MGLL: variants seen among roughly 807,000 people sequenced by gnomAD.
MGLL encodes the protein monoglyceride lipase, also known as lysophospholipase homolog.
A neutral mutation model predicts 29.1 loss-of-function variants in MGLL; 7 were observed. The ratio of observed to expected loss-of-function variants is 0.24; its 90% confidence interval spans 0.14 to 0.45. The LOEUF is 0.45. Ranked by LOEUF, MGLL falls within the 20% of genes least tolerant of loss-of-function variation. The pLI is 0.99. For synonymous variants in MGLL, 148 were observed against 168.3 expected (o/e 0.88, Z 0.93); for missense variants, 356 against 413.6 (o/e 0.86, Z 1.21).
At chr3:127,810,659 C>T (rs1403147774) in intron 2 of MGLL, among the ~76,000 whole-genome samples, 1 of 152,212 alleles carries the variant, frequency 6.6e-6, no homozygotes, top group African/African-American at 2.4e-5. Context: ...TTCTTTATCT[C>T]CAAACTGGAA....
At chr3:127,788,167 T>C (rs2077244884) in intron 2 of MGLL, among the ~76,000 whole-genome samples, 2 of 152,188 alleles carry the variant, frequency 1.3e-5, no homozygotes, top group Admixed American at 6.5e-5. Context: ...AGAGAATTTA[T>C]GGAAAATCAC....
intron 2 of MGLL, among the ~76,000 whole-genome samples, chr3:127,814,627 A>T (rs969788116): frequency 1.3e-4 from 20 of 152,208 alleles, no homozygotes; most frequent in African/African-American, 4.6e-4. Flanking sequence ...TTTTTCTTCG[A>T]CTCTACTGCA....
chr3:127,706,975 G>C (rs927590579), intron 6 of MGLL, among the ~76,000 whole-genome samples: 8 of 152,172 alleles, frequency 5.3e-5, no homozygotes, highest in Middle Eastern at 3.2e-3. Flanking sequence ...GCAACAGGGG[G>C]ACCTGGAGCC....
chr3:127,821,116 C>T (rs1033988734), intron 2 of MGLL, among the ~76,000 whole-genome samples: 11 of 152,336 alleles, frequency 7.2e-5, no homozygotes, highest in Admixed American at 1.3e-4. Context: ...GAGGGAGCAG[C>T]AGCAGGAGAC....
chr3:127,714,620 A>C (rs1426314511), intron 5 of MGLL, among the ~76,000 whole-genome samples: 1 of 152,122 alleles, frequency 6.6e-6, no homozygotes, highest in Non-Finnish European at 1.5e-5. Flanking sequence ...TTCCCAGTGA[A>C]TGCGCACACA....
chr3:127,732,198 C>T (rs139004740), intron 3 of MGLL, among the ~76,000 whole-genome samples: 13 of 152,234 alleles, frequency 8.5e-5, no homozygotes, highest in South Asian at 4.1e-4. Context: ...GAAAGTGAGA[C>T]GAAGCCTTTA....
intron 3 of MGLL, among the ~76,000 whole-genome samples, chr3:127,729,208 T>C (rs10512694): frequency 0.11 from 16,920 of 152,152 alleles, 1,063 homozygotes; most frequent in African/African-American, 0.18. Flanking sequence ...TGATTCTTGG[T>C]GATAAAGGCC....
At chr3:127,764,037 T>A (rs2076813249) in intron 3 of MGLL, among the ~76,000 whole-genome samples, 1 of 152,120 alleles carries the variant, frequency 6.6e-6, no homozygotes, top group Admixed American at 6.5e-5. Context: ...CATGCCACTG[T>A]CTAAGCTGCA....
At chr3:127,698,460 C>T (rs929824251) in intron 6 of MGLL, among the ~76,000 whole-genome samples, 2 of 152,222 alleles carry the variant, frequency 1.3e-5, no homozygotes, top group Admixed American at 1.3e-4. Context: ...TGAGCCCATT[C>T]ATTCAATAGG....
chr3:127,728,314 C>T (rs1233209111), intron 3 of MGLL, among the ~76,000 whole-genome samples: 2 of 152,024 alleles, frequency 1.3e-5, no homozygotes, highest in African/African-American at 4.8e-5. Context: ...TTTATCCATC[C>T]ATCCATCCAT....
In MGLL at chr3:127,757,025, C is replaced by T. The variant is rs990863002; in HGVS notation, c.262+24764G>A. Among the ~76,000 whole-genome samples the T allele has an allele frequency of 3.9e-5, 6 of 152,200 alleles. No individual in the cohort carries two copies. The East Asian group carries it at 1.2e-3, about 29-fold the overall frequency. The stretch of plus-strand genomic sequence containing the variant: ...CCCTGTAAATAAATGTTGGGCTTGG[C>T]CATGTGACATGCTTTGGTCAATGGA... On this transcript the variant is annotated intron_variant, in intron 3 of 7. Transcript: ENST00000265052.
chr3:127,811,778 A>G (rs1236283914), intron 2 of MGLL, among the ~76,000 whole-genome samples: 1 of 152,262 alleles, frequency 6.6e-6, no homozygotes. Flanking sequence ...AACTGAGGTG[A>G]TCCCACCAAC....
intron 3 of MGLL, among the ~76,000 whole-genome samples, chr3:127,764,855 A>G (rs1258891821): frequency 6.6e-6 from 1 of 152,136 alleles, no homozygotes; most frequent in Non-Finnish European, 1.5e-5. Flanking sequence ...CAGGCCCCCC[A>G]CATAGAGGAG....
intron 3 of MGLL, among the ~76,000 whole-genome samples, chr3:127,781,422 A>G (rs1436513857): frequency 6.6e-6 from 1 of 152,204 alleles, no homozygotes; most frequent in African/African-American, 2.4e-5. Context: ...CAGGGTTTAC[A>G]CTGTACTTGA....
intron 2 of MGLL, among the ~76,000 whole-genome samples, chr3:127,787,882 G>A (rs1033660812): frequency 6.6e-6 from 1 of 152,352 alleles, no homozygotes; most frequent in Non-Finnish European, 1.5e-5. Flanking sequence ...GTGAGAGTGC[G>A]TTGGATCCCT....
intron 2 of MGLL, among the ~76,000 whole-genome samples, chr3:127,799,948 T>C (rs1158547749): frequency 6.6e-6 from 1 of 152,352 alleles, no homozygotes; most frequent in Non-Finnish European, 1.5e-5. Context: ...TAACTGTTCA[T>C]ATGGCTGCCC....
intron 2 of MGLL, among the ~76,000 whole-genome samples, chr3:127,796,808 C>A (rs2077390011): frequency 6.6e-6 from 1 of 152,162 alleles, no homozygotes; most frequent in South Asian, 2.1e-4. Flanking sequence ...AAATTACAAG[C>A]CACAGCAAAG....
intron 3 of MGLL, among the ~76,000 whole-genome samples, chr3:127,738,810 G>A (rs775455830): frequency 2.6e-5 from 4 of 152,166 alleles, no homozygotes; most frequent in Non-Finnish European, 5.9e-5. Flanking sequence ...ATAAAGAAGC[G>A]GTCCCAATCT....
At chr3:127,786,336 C>T (rs115206118) in intron 2 of MGLL, among the ~76,000 whole-genome samples, 1,766 of 152,356 alleles carry the variant, frequency 0.012, 24 homozygotes, top group South Asian at 0.024. Context: ...CAACAACAGG[C>T]AGCAGCAGAA....
Sources: allele counts gnomAD v4.1 joint callset (sites outside exome capture counted in the v4.1 genomes callset), GRCh38; gene constraint gnomAD v4.1.1; transcripts MANE v1.5; gene names NCBI Gene and HGNC (gene_info 2026-07-23, HGNC 2026-07-21).